The following ARHGAP24 variants were observed in gnomAD, a reference collection of about 807,000 sequenced individuals.
ARHGAP24 encodes rho GTPase-activating protein 24.
In ARHGAP24, 50 loss-of-function variants were observed where a neutral mutation model predicts 76.4. The observed-to-expected ratio is 0.65, with a 90% CI of 0.52 to 0.83. The LOEUF (loss-of-function observed/expected upper bound fraction) is 0.83, where lower values mean the gene tolerates loss of function less well. Ranked by LOEUF, ARHGAP24 falls within the 40% of genes least tolerant of loss-of-function variation. The pLI is 0.00. For synonymous variants in ARHGAP24, 345 were observed against 323.3 expected, an observed-to-expected ratio of 1.07 and a Z score of -0.72; for missense variants, 930 against 914.2, an observed-to-expected ratio of 1.02 and a Z score of -0.22.
chr4:85,631,158 A>G (rs1210164504), intron 2 of ARHGAP24, among the ~76,000 whole-genome samples: 1 of 152,164 alleles, frequency 6.6e-6, no homozygotes, highest in Non-Finnish European at 1.5e-5. Context: ...CTCTGAGATA[A>G]TTAAAACAAC....
chr4:85,909,660 T>C (rs947156912), intron 3 of ARHGAP24, among the ~76,000 whole-genome samples: 1 of 152,226 alleles, frequency 6.6e-6, no homozygotes, highest in Admixed American at 6.5e-5. Flanking sequence ...GATGGAATGC[T>C]AGGTTGAATT....
chr4:85,972,254 C>T, intron 6 of ARHGAP24, 86 bp downstream of exon 6: 4 of 1,556,400 alleles, frequency 2.6e-6, no homozygotes, highest in East Asian at 2.3e-5. Context: ...ATTTCCATTG[C>T]CCTATCCCGG....
intron 1 of ARHGAP24, among the ~76,000 whole-genome samples, chr4:85,554,060 G>A (rs1427496983): frequency 2.0e-5 from 3 of 152,114 alleles, no homozygotes; most frequent in Non-Finnish European, 2.9e-5. Context: ...CTTTGCTTAT[G>A]ATGCTTAGTT....
intron 3 of ARHGAP24, among the ~76,000 whole-genome samples, chr4:85,920,150 G>C (rs141393089): frequency 5.9e-5 from 9 of 152,134 alleles, no homozygotes; most frequent in African/African-American, 1.2e-4. Flanking sequence ...CTCTGGGATC[G>C]ATTAATGTAA....
intron 2 of ARHGAP24, among the ~76,000 whole-genome samples, chr4:85,629,517 A>G (rs780122099): frequency 1.3e-5 from 2 of 152,010 alleles, no homozygotes; most frequent in African/African-American, 2.4e-5. Context: ...TTCCTTTAAC[A>G]TTTCTTGTGA....
intron 2 of ARHGAP24, among the ~76,000 whole-genome samples, chr4:85,679,051 G>A (rs992204874): frequency 6.6e-6 from 1 of 152,196 alleles, no homozygotes; most frequent in African/African-American, 2.4e-5. Flanking sequence ...AGGCAAGATG[G>A]TTGACACTTT....
chr4:85,902,822 T>A (rs1213590697), intron 3 of ARHGAP24, among the ~76,000 whole-genome samples: 1 of 152,234 alleles, frequency 6.6e-6, no homozygotes, highest in Non-Finnish European at 1.5e-5. Context: ...CAGGCTGGTC[T>A]CGAACTCCTG....
At chr4:85,579,964 T>C (rs1727540852) in intron 2 of ARHGAP24, among the ~76,000 whole-genome samples, 1 of 152,196 alleles carries the variant, frequency 6.6e-6, no homozygotes, top group South Asian at 2.1e-4. Context: ...CTCTTGAGCA[T>C]ACACCTAGGA....
intron 2 of ARHGAP24, among the ~76,000 whole-genome samples, chr4:85,678,742 C>G (rs1723090336): frequency 6.6e-6 from 1 of 152,130 alleles, no homozygotes; most frequent in African/African-American, 2.4e-5. Context: ...CCTATTCTGA[C>G]TGACAATAAA....
intron 3 of ARHGAP24, among the ~76,000 whole-genome samples, chr4:85,774,825 G>T (rs17010857): frequency 0.16 from 23,663 of 152,034 alleles, 2,795 homozygotes; most frequent in East Asian, 0.66. Context: ...CATGTTTATG[G>T]ACTTAAGTTA....
chr4:85,971,899 A>G (rs1020752838), intron 5 of ARHGAP24, 137 bp from the exon 6 acceptor site: 1 of 1,196,324 alleles, frequency 8.4e-7, no homozygotes, highest in African/African-American at 1.5e-5. Context: ...CACATAAATG[A>G]GTGCTCTCTG....
chr4:85,794,500 C>G (rs1035750769), intron 3 of ARHGAP24, among the ~76,000 whole-genome samples: 1 of 151,414 alleles, frequency 6.6e-6, no homozygotes, highest in South Asian at 2.1e-4. Flanking sequence ...TATTTTTTTT[C>G]GAGACAGAGT....
At chr4:85,493,368 T>C (rs558791931) in intron 1 of ARHGAP24, among the ~76,000 whole-genome samples, 1 of 152,368 alleles carries the variant, frequency 6.6e-6, no homozygotes, top group South Asian at 2.1e-4. Context: ...AAATGGCGAT[T>C]TTCTATCTTC....
intron 3 of ARHGAP24, among the ~76,000 whole-genome samples, chr4:85,784,405 G>A (rs773585189): frequency 6.6e-6 from 1 of 151,644 alleles, no homozygotes; most frequent in Non-Finnish European, 1.5e-5. Context: ...TTTCTTCCTT[G>A]GAAAATTTCA....
At chr4:85,780,163 T>TATTTTTC (rs1479273707) in intron 3 of ARHGAP24, among the ~76,000 whole-genome samples, 1 of 151,850 alleles carries the variant, frequency 6.6e-6, no homozygotes, top group Non-Finnish European at 1.5e-5. Context: ...AATCACTGTT[T>TATTTTTC]ATTTTTTATT....
At chr4:85,937,556 G>A (rs574497567) in intron 4 of ARHGAP24, among the ~76,000 whole-genome samples, 2 of 152,084 alleles carry the variant, frequency 1.3e-5, no homozygotes, top group South Asian at 4.1e-4. Flanking sequence ...AAGTAAAAAC[G>A]GAGCTGAGGA....
At chr4:85,516,198 C>G (rs1260959345) in intron 1 of ARHGAP24, among the ~76,000 whole-genome samples, 1 of 152,128 alleles carries the variant, frequency 6.6e-6, no homozygotes, top group East Asian at 1.9e-4. Context: ...TGAGAGTGCA[C>G]CTGTGAAGGA....
At chr4:85,641,922 T>C (rs1262492203) in intron 2 of ARHGAP24, among the ~76,000 whole-genome samples, 1 of 152,166 alleles carries the variant, frequency 6.6e-6, no homozygotes, top group Non-Finnish European at 1.5e-5. Flanking sequence ...GCATGATTGA[T>C]AACCATGTAG....
intron 1 of ARHGAP24, among the ~76,000 whole-genome samples, chr4:85,479,830 A>C (rs183067640): frequency 7.9e-5 from 12 of 152,280 alleles, no homozygotes; most frequent in Non-Finnish European, 1.6e-4. Context: ...GAGCAATGTT[A>C]CCTTTGTCAT....
Sources: gnomAD v4.1 joint callset for allele counts (sites outside exome capture counted in the v4.1 genomes callset) on GRCh38, gnomAD v4.1.1 for gene constraint, MANE v1.5 for transcripts, NCBI Gene and HGNC (gene_info 2026-07-23, HGNC 2026-07-21) for gene names.